PCTP: variants seen among roughly 807,000 people sequenced by gnomAD.
The protein encoded by PCTP is START domain-containing protein 2.
Under a neutral mutation model 31.0 loss-of-function variants are expected in PCTP, and 27 were observed. That is an observed-to-expected ratio of 0.87 (90% CI 0.64 to 1.20). The LOEUF (loss-of-function observed/expected upper bound fraction) is 1.20, where lower values mean the gene tolerates loss of function less well. Among genes scored for constraint, PCTP ranks in the 50% most tolerant of loss-of-function variants. The pLI is 0.00. For synonymous variants in PCTP, 108 were observed against 101.2 expected (o/e 1.07, Z -0.40); for missense variants, 287 against 268.2 (o/e 1.07, Z -0.49).
intron 3 of PCTP, among the ~76,000 whole-genome samples, chr17:55,804,578 C>T (rs1449089261): frequency 6.6e-6 from 1 of 152,148 alleles, no homozygotes; most frequent in Non-Finnish European, 1.5e-5. Flanking sequence ...ATGGATGAAG[C>T]TGGAAACCAT....
chr17:55,836,203 A>G (rs1419326850), intron 5 of PCTP, among the ~76,000 whole-genome samples: 1 of 152,236 alleles, frequency 6.6e-6, no homozygotes, highest in Non-Finnish European at 1.5e-5. Flanking sequence ...ATAAAAATTC[A>G]ATCAAATGAC....
chr17:55,847,538 CTT>C (rs527952803), downstream of PCTP, among the ~76,000 whole-genome samples: 23 of 152,344 alleles, frequency 1.5e-4, no homozygotes, highest in South Asian at 3.3e-3. Context: ...TTTGCTTCCT[CTT>C]TGCCTTCCAC....
intron 1 of PCTP, among the ~76,000 whole-genome samples, chr17:55,761,141 T>C (rs2912552): frequency 0.82 from 124,454 of 152,172 alleles, 54,612 homozygotes; most frequent in Non-Finnish European, 0.98. Context: ...AAGTTGGCCT[T>C]TCTAAGCATC....
chr17:55,843,390 C>T (rs1255565813), downstream of PCTP, among the ~76,000 whole-genome samples: 2 of 152,014 alleles, frequency 1.3e-5, no homozygotes, highest in African/African-American at 4.8e-5. Context: ...TTTTGATCTG[C>T]CCCCCTCCCC....
At chr17:55,829,743 A>G (rs1054067518) in intron 5 of PCTP, among the ~76,000 whole-genome samples, 4 of 151,888 alleles carry the variant, frequency 2.6e-5, no homozygotes, top group African/African-American at 9.7e-5. Context: ...TTGTAAAAGA[A>G]CTTTCTATGT....
intron 3 of PCTP, among the ~76,000 whole-genome samples, chr17:55,805,244 G>T (rs929284485): frequency 3.9e-5 from 6 of 151,954 alleles, no homozygotes; most frequent in African/African-American, 1.5e-4. Context: ...GGGTTTATGT[G>T]TTTTTTTCTT....
chr17:55,782,046 C>T (rs986772465), downstream of PCTP, among the ~76,000 whole-genome samples: 7 of 152,286 alleles, frequency 4.6e-5, no homozygotes, highest in African/African-American at 1.7e-4. Context: ...GATATAGTTC[C>T]AGTCCAAAAG....
At position 55,809,796 on chromosome 17, in the gene PCTP, C is replaced by G. The variant is rs141715403; in HGVS notation, c.318-12965C>G. ...TCGGCGTCCCAAAATGCTGGGATTA[C>G]AGGCATGAGCCACCACATCTGGCCA... On this transcript the variant is annotated intron_variant, in intron 3 of 3. Transcript: ENST00000572536. Among the ~76,000 whole-genome samples, 1,294 of 152,316 alleles carry G rather than the reference C, an allele frequency of 8.5e-3. 12 individuals carry two copies. Among genetic ancestry groups the G allele is most frequent in the South Asian group, 0.021 (99 of 4,824 alleles).
intron 5 of PCTP, 116 bp downstream of exon 5, chr17:55,774,975 C>T: frequency 8.6e-7 from 1 of 1,165,724 alleles, no homozygotes; most frequent in African/African-American, 1.5e-5. Flanking sequence ...CGTAATGAGG[C>T]TCTTTTATGA....
chr17:55,846,069 T>C (rs1321445368), downstream of PCTP, among the ~76,000 whole-genome samples: 2 of 152,064 alleles, frequency 1.3e-5, no homozygotes, highest in Non-Finnish European at 2.9e-5. Flanking sequence ...TTAAGTAAAT[T>C]CTAAGGTCTC....
At chr17:55,849,906 A>G in the PCTP span, among the ~76,000 whole-genome samples, 1 of 152,184 alleles carries the variant, frequency 6.6e-6, no homozygotes, top group Non-Finnish European at 1.5e-5. Flanking sequence ...CTGGTTTTGT[A>G]TTCAAAAAAA....
intron 3 of PCTP, among the ~76,000 whole-genome samples, chr17:55,772,328 C>T: frequency 6.6e-6 from 1 of 152,004 alleles, no homozygotes; most frequent in Admixed American, 6.5e-5. Context: ...TGGCTCACGC[C>T]TGTAATCCCA....
At chr17:55,826,824 T>C (rs750422813), downstream of PCTP, among the ~76,000 whole-genome samples, 1 of 152,176 alleles carries the variant, frequency 6.6e-6, no homozygotes, top group Admixed American at 6.5e-5. Context: ...GGAGTATTCA[T>C]AGGGTAATTC....
chr17:55,751,353 C>T (rs899351333), intron 1 of PCTP, 109 bp downstream of exon 1: 5 of 1,525,820 alleles, frequency 3.3e-6, no homozygotes, highest in Admixed American at 2.1e-5. Flanking sequence ...CGCGTCTTCT[C>T]CGGCTCAGGA....
At chr17:55,759,632 G>A (rs1270675981) in intron 1 of PCTP, among the ~76,000 whole-genome samples, 2 of 152,220 alleles carry the variant, frequency 1.3e-5, no homozygotes, top group African/African-American at 4.8e-5. Context: ...GAGCGCTTCT[G>A]TGAGAGGCAA....
At chr17:55,845,085 CAAAAA>C (rs891404386), downstream of PCTP, among the ~76,000 whole-genome samples, 37 of 32,526 alleles carry the variant, frequency 1.1e-3, no homozygotes, top group South Asian at 5.0e-3. Context: ...AAAACTCCAT[CAAAAA>C]AAAAAAAAAA....
intron 2 of PCTP, among the ~76,000 whole-genome samples, chr17:55,785,164 T>C (rs1217731895): frequency 6.6e-6 from 1 of 152,296 alleles, no homozygotes; most frequent in African/African-American, 2.4e-5. Flanking sequence ...TCGTCCATTC[T>C]TGCTCACTTT....
chr17:55,805,886 A>ATGTGTGTGTGTGTGTG (rs58345619), intron 3 of PCTP, among the ~76,000 whole-genome samples: 1,454 of 142,832 alleles, frequency 0.01, 25 homozygotes, highest in Middle Eastern at 0.039. Flanking sequence ...CTCAATCTGT[A>ATGTGTGTGTGTGTGTG]TGTGTGTGTG....
intron 1 of PCTP, among the ~76,000 whole-genome samples, chr17:55,752,502 C>T (rs929111040): frequency 2.0e-4 from 31 of 152,120 alleles, no homozygotes; most frequent in Non-Finnish European, 3.7e-4. Context: ...GGTCAAGAAA[C>T]CCTACTCTAA....
Sources: allele counts gnomAD v4.1 joint callset (sites outside exome capture counted in the v4.1 genomes callset), GRCh38; gene constraint gnomAD v4.1.1; transcripts MANE v1.5; gene names NCBI Gene and HGNC (gene_info 2026-07-23, HGNC 2026-07-21).